The following FGF13 variants were observed in gnomAD, a reference collection of about 807,000 sequenced individuals.
The protein encoded by FGF13 is fibroblast growth factor homologous factor 2.
Under a neutral mutation model 19.5 loss-of-function variants are expected in FGF13, and 2 were observed. The observed-to-expected ratio is 0.10, with a 90% CI of 0.04 to 0.32. The LOEUF is 0.32. FGF13 is among the 10% of genes least tolerant of loss of function. The probability of loss-of-function intolerance (pLI) is 1.00; values close to 1 mark genes in which losing one functional copy is unlikely to be tolerated. For missense variants in FGF13, 113 were observed against 192.7 expected (o/e 0.59, Z 2.45); for synonymous variants, 72 against 76.9 (o/e 0.94, Z 0.33).
intron 1 of FGF13, among the ~76,000 whole-genome samples, chrX:138,725,073 T>A (rs928148226): frequency 2.7e-5 from 3 of 112,108 alleles, no homozygotes; most frequent in Non-Finnish European, 5.6e-5. Context: ...TGGCTTCAAT[T>A]TATCTATTTT....
intron 1 of FGF13, among the ~76,000 whole-genome samples, chrX:138,972,410 G>T (rs1364028511): frequency 9.7e-6 from 1 of 102,695 alleles, no homozygotes; most frequent in Non-Finnish European, 2.0e-5. Flanking sequence ...AGGCTGGAGT[G>T]CAGTGGCGCG....
intron 3 of FGF13, among the ~76,000 whole-genome samples, chrX:138,665,101 T>G (rs778319185): frequency 4.1e-4 from 45 of 110,191 alleles, no homozygotes; most frequent in African/African-American, 1.3e-3. Context: ...CCCTGGAGAG[T>G]AGATTATATC....
At chrX:139,030,680 TCTCC>T (rs1223025613) in intron 1 of FGF13, among the ~76,000 whole-genome samples, 1 of 111,521 alleles carries the variant, frequency 9.0e-6, no homozygotes, top group Non-Finnish European at 1.9e-5. Flanking sequence ...CAGACATCTC[TCTCC>T]CTCCATGTGG....
intron 3 of FGF13, among the ~76,000 whole-genome samples, chrX:138,646,735 C>T (rs754976669): frequency 9.0e-6 from 1 of 111,579 alleles, no homozygotes; most frequent in South Asian, 3.8e-4. Flanking sequence ...TGAAATTAGG[C>T]TTCTGCCTTT....
Position 138,625,500 on chromosome X carries a change from T to TATATATATATAATATATATATATAC in FGF13, c.*7349_*7350insGTATATATATATATTATATATATAT, listed in dbSNP as rs1569347644. The TATATATATATAATATATATATATAC allele has an allele frequency of 2.1e-4, 19 of 89,800 alleles. 1 individual carries two copies. Among genetic ancestry groups the TATATATATATAATATATATATATAC allele is most frequent in the African/African-American group, 9.8e-4 (19 of 19,290 alleles). The allele number at this position is 89,800 out of a possible 1,213,427, so 7.4% of individuals were successfully genotyped here. A position where few individuals can be genotyped will look rare whatever the true frequency, so the allele number is the denominator to read the frequency against. ...TATATATATAATATATATATATACA[T>TATATATATATAATATATATATATAC]ATATATATATAATATAATATATATA... is the stretch of plus-strand genomic sequence containing the variant. On this transcript the variant is annotated 3_prime_UTR_variant, in exon 5 of 5. Coordinates refer to ENST00000315930, the MANE Select transcript of FGF13 (RefSeq NM_004114.5).
intron 3 of FGF13, among the ~76,000 whole-genome samples, chrX:138,780,833 A>C (rs2090635283): frequency 9.1e-6 from 1 of 110,495 alleles, no homozygotes; most frequent in African/African-American, 3.3e-5. Context: ...CATCTACAGA[A>C]CTCTCCACCC....
In FGF13 at chrX:138,618,555, T is replaced by A. The variant is rs1369054877; in HGVS notation, c.*14295A>T. 3.6e-5 allele frequency: 4 copies of A among 111,639 alleles called. No individual in the cohort carries two copies. The Admixed American group carries it at 3.8e-4, about 11-fold the overall frequency. 9.2% of individuals were successfully genotyped at this position (111,639 alleles called of 1,213,427 possible). ...AGACTCCATCAGGAGGCCCACCCACTAGTGGCTTGGGATGCCTGAACTGTA... is the reference window on the plus strand; with the variant it reads ...AGACTCCATCAGGAGGCCCACCCACAAGTGGCTTGGGATGCCTGAACTGTA... On this transcript the variant is annotated 3_prime_UTR_variant, in exon 5 of 5. Transcript: ENST00000315930.
chrX:138,848,624 T>C (rs2091200476), intron 3 of FGF13, among the ~76,000 whole-genome samples: 1 of 111,739 alleles, frequency 8.9e-6, no homozygotes, highest in Non-Finnish European at 1.9e-5. Flanking sequence ...AAGTTGAGTA[T>C]CTCTTATTTG....
In FGF13 at chrX:139,187,417, T is replaced by C. The variant is rs151260464; in HGVS notation, c.-113+15999A>G. On this transcript the variant is annotated intron_variant, in intron 1 of 2. Transcript: ENST00000421460. ...TGTACTTTCATATGAATAAAGTTGA[T>C]TAAGCCACTTTCTGGAATAGTTGTG... Among the ~76,000 whole-genome samples the C allele has an allele frequency of 4.3e-3, 483 of 112,625 alleles. 4 individuals carry two copies. The highest frequency in any genetic ancestry group is 6.5e-3 in the Non-Finnish European group (347 of 53,327).
chrX:138,823,878 T>C (rs2091015666), intron 3 of FGF13, among the ~76,000 whole-genome samples: 1 of 112,006 alleles, frequency 8.9e-6, no homozygotes, highest in Non-Finnish European at 1.9e-5. Flanking sequence ...ATGGATTATT[T>C]TTATATAGGG....
At chrX:138,739,141 A>G (rs2090301718) in intron 1 of FGF13, 4 of 518,885 alleles carry the variant, frequency 7.7e-6, no homozygotes, top group Middle Eastern at 4.1e-4. Context: ...CTCAGCAGAA[A>G]GATCCCTGGT....
At chrX:138,896,893 G>A (rs1305439542) in intron 1 of FGF13, among the ~76,000 whole-genome samples, 5 of 111,952 alleles carry the variant, frequency 4.5e-5, no homozygotes, top group African/African-American at 1.6e-4. Flanking sequence ...AAAGTAATGA[G>A]ATCACGTAGA....
At chrX:138,744,805 C>T (rs1195381456) in intron 3 of FGF13, among the ~76,000 whole-genome samples, 1 of 111,657 alleles carries the variant, frequency 9.0e-6, no homozygotes, top group African/African-American at 3.3e-5. Context: ...AAAAATATTA[C>T]TCAGAATCCA....
chrX:138,692,585 G>C (rs2089849991), intron 3 of FGF13, among the ~76,000 whole-genome samples: 1 of 111,286 alleles, frequency 9.0e-6, no homozygotes, highest in Non-Finnish European at 1.9e-5. Context: ...CAAATGTTCA[G>C]TGTAGGTTAT....
At chrX:139,168,665 G>C (rs1247247718) in intron 1 of FGF13, among the ~76,000 whole-genome samples, 2 of 112,091 alleles carry the variant, frequency 1.8e-5, no homozygotes, top group Admixed American at 1.9e-4. Flanking sequence ...CAAGAAGGAA[G>C]GGAATATCAG....
chrX:138,943,957 G>T (rs1216515461), intron 1 of FGF13, among the ~76,000 whole-genome samples: 1 of 111,321 alleles, frequency 9.0e-6, no homozygotes, highest in Non-Finnish European at 1.9e-5. Flanking sequence ...CTGGGAACTG[G>T]ATATTTGTAC....
chrX:138,773,174 G>A (rs2090561933), intron 3 of FGF13, among the ~76,000 whole-genome samples: 1 of 111,804 alleles, frequency 8.9e-6, no homozygotes, highest in South Asian at 3.7e-4. Flanking sequence ...CAGGATTCCA[G>A]GAGGGAAGTC....
rs151225702 is a variant in FGF13 at position 139,143,963 on chromosome X, C to T, written c.-113+59453G>A. On this transcript the variant is annotated intron_variant, in intron 1 of 2. Transcript: ENST00000421460. Reference sequence around the variant, plus strand: ...GCTACCCTAATATGCACCTGCCACCCCCAAATTTCTGTTAGTTCACTTCCC... The same window carrying T: ...GCTACCCTAATATGCACCTGCCACCTCCAAATTTCTGTTAGTTCACTTCCC... Among the ~76,000 whole-genome samples, 1,059 of 111,494 alleles carry T rather than the reference C, an allele frequency of 9.5e-3. 18 individuals carry two copies. The highest frequency in any genetic ancestry group is 0.033 in the African/African-American group (1,008 of 30,640).
intron 1 of FGF13, among the ~76,000 whole-genome samples, chrX:138,868,059 G>T (rs747837264): frequency 1.1e-4 from 12 of 111,579 alleles, no homozygotes; most frequent in African/African-American, 3.9e-4. Flanking sequence ...TTGACTAATA[G>T]TATTTCTTTC....
Sources: allele counts gnomAD v4.1 joint callset (sites outside exome capture counted in the v4.1 genomes callset), GRCh38; gene constraint gnomAD v4.1.1; transcripts MANE v1.5; gene names NCBI Gene and HGNC (gene_info 2026-07-23, HGNC 2026-07-21).